BAHCC1: variants seen among roughly 807,000 people sequenced by gnomAD.
The protein encoded by BAHCC1 is BAH and coiled-coil domain-containing protein 1.
A neutral mutation model predicts 88.2 loss-of-function variants in BAHCC1; 43 were observed. The observed-to-expected ratio is 0.49, with a 90% CI of 0.38 to 0.63. The LOEUF (loss-of-function observed/expected upper bound fraction) is 0.63. Ranked by LOEUF, BAHCC1 falls within the 20% of genes least tolerant of loss-of-function variation. The pLI is 0.00. For missense variants in BAHCC1, 3,023 were observed against 1,654.8 expected (o/e 1.83, Z -14.34); for synonymous variants, 1,510 against 745.5 (o/e 2.03, Z -16.71).
At chr17:81,445,745 C>T (rs1555654188) in intron 10 of BAHCC1, 64 bp downstream of exon 10, 2 of 683,752 alleles carry the variant, frequency 2.9e-6, no homozygotes, top group African/African-American at 1.8e-5. Flanking sequence ...CCCTGCCCGG[C>T]AGGGCTGCGC....
intron 11 of BAHCC1, among the ~76,000 whole-genome samples, chr17:81,451,374 A>T (rs1194018642): frequency 6.6e-6 from 1 of 152,130 alleles, no homozygotes; most frequent in Non-Finnish European, 1.5e-5. Flanking sequence ...TAACGAGCAG[A>T]TTGCTTTTAC....
intron 11 of BAHCC1, among the ~76,000 whole-genome samples, chr17:81,450,160 G>T (rs2064607028): frequency 6.6e-6 from 1 of 152,172 alleles, no homozygotes; most frequent in East Asian, 1.9e-4. Context: ...GGCTTTCCCA[G>T]GGGATACCAG....
In BAHCC1 at chr17:81,447,450, G is replaced by A. The variant is rs1555654842; in HGVS notation, c.3578G>A (p.Gly1193Glu). ...EERSREEGEQ[G>E]PSSGASSQVL... ...AGGAGCAGGGAGGAGGGGGAGCAGG[G>A]GCCCTCGTCAGGGGCCTCCTCCCAA... The change falls in exon 11 of 28, where the codon GGG (glycine) becomes GAG (glutamate). Residue 1193 changes from glycine to glutamate, a missense_variant. Physicochemically the swap from Gly to Glu is moderately conservative, Grantham distance 98 (BLOSUM62 -2). Coordinates refer to ENST00000675386, the MANE Select transcript of BAHCC1 (RefSeq NM_001377448.1). 8.1e-6 allele frequency: 6 copies of A among 743,582 alleles called. No homozygotes were observed. Among genetic ancestry groups the A allele is most frequent in the Non-Finnish European group, 1.5e-5 (6 of 400,098 alleles). 46.1% of individuals were successfully genotyped at this position (743,582 alleles called of 1,614,324 possible).
At chr17:81,441,765 C>T in intron 4 of BAHCC1, 66 bp from the exon 5 acceptor site, 1 of 508,354 alleles carries the variant, frequency 2.0e-6, no homozygotes, top group Non-Finnish European at 3.6e-6. Flanking sequence ...GAGCACCTGT[C>T]TCAGGGAGTC....
At chr17:81,405,539 C>CA (rs2063867608) in intron 2 of BAHCC1, among the ~76,000 whole-genome samples, 1 of 152,154 alleles carries the variant, frequency 6.6e-6, no homozygotes, top group African/African-American at 2.4e-5. Context: ...TTCTAACTCC[C>CA]AAAGGACTAT....
chr17:81,442,411 C>G lies in BAHCC1; in HGVS notation c.1062C>G (p.Pro354=). ...LHHTASYAGP[P]PPLSTAAGSF... ...ACACCGCATCCTACGCCGGGCCACC[C>G]CCGCCCCTCAGCACAGCCGCCGGCT... The change falls in exon 5 of 28, where the codon CCC becomes CCG. Residue 354 remains proline, a synonymous_variant. Transcript: ENST00000675386. 1 of 696,398 alleles carries G rather than the reference C, an allele frequency of 1.4e-6. No individual in the cohort carries two copies. Among genetic ancestry groups the G allele is most frequent in the Non-Finnish European group, 2.7e-6 (1 of 376,582 alleles). 43.1% of individuals were successfully genotyped at this position (696,398 alleles called of 1,614,324 possible). A position where few individuals can be genotyped will look rare whatever the true frequency, so the allele number is the denominator to read the frequency against.
Position 81,444,375 on chromosome 17 carries a change from T to C in BAHCC1, c.2325-6T>C. The C allele has an allele frequency of 1.4e-6, 1 of 732,738 alleles. No individual in the cohort carries two copies. The highest frequency in any genetic ancestry group is 2.5e-6 in the Non-Finnish European group (1 of 395,792). 45.4% of individuals were successfully genotyped at this position (732,738 alleles called of 1,614,324 possible). A position where few individuals can be genotyped will look rare whatever the true frequency, so the allele number is the denominator to read the frequency against. On this transcript the variant is annotated splice_polypyrimidine_tract_variant and splice_region_variant and intron_variant, in intron 6 of 27. Coordinates refer to ENST00000675386, the MANE Select transcript of BAHCC1 (RefSeq NM_001377448.1). ...CGGCGGCAGGGCTGAGCCCCAGGTC[T>C]TACAGGGACAGCAAAGACCGCGTAG...
intron 2 of BAHCC1, among the ~76,000 whole-genome samples, chr17:81,408,454 C>T (rs1669450072): frequency 6.7e-6 from 1 of 148,190 alleles, no homozygotes; most frequent in Admixed American, 6.7e-5. Context: ...ACCGTCTCTG[C>T]CCACCGTGCC....
At chr17:81,403,172 G>A (rs1555646332) in intron 2 of BAHCC1, among the ~76,000 whole-genome samples, 2 of 152,204 alleles carry the variant, frequency 1.3e-5, no homozygotes, top group African/African-American at 4.8e-5. Flanking sequence ...CCGGCCTGGG[G>A]AGAGGCCCAC....
In BAHCC1 at chr17:81,447,494, G is replaced by A. The variant is rs1555654865; in HGVS notation, c.3622G>A (p.Gly1208Arg). ...CTCCCAAGTCCTGGAGCAGCGAGCA[G>A]GGAGTCCGGGTGCCCTTGAGGACGA... Reference protein sequence around the residue: ...ASSQVLEQRAGSPGALEDEGE... With the variant: ...ASSQVLEQRARSPGALEDEGE... Residue 1208 changes from glycine (G) to arginine (R), a missense_variant, in exon 11 of 28, where the codon GGG becomes AGG. Transcript: ENST00000675386. 1 of 745,750 alleles carries A rather than the reference G, an allele frequency of 1.3e-6. No individual in the cohort carries two copies. Among genetic ancestry groups the A allele is most frequent in the Admixed American group, 1.9e-5 (1 of 53,292 alleles). 46.2% of individuals were successfully genotyped at this position (745,750 alleles called of 1,614,324 possible). A position where few individuals can be genotyped will look rare whatever the true frequency, so the allele number is the denominator to read the frequency against.
chr17:81,457,514 G>C lies in BAHCC1; in HGVS notation c.4963G>C (p.Gly1655Arg). 1.3e-6 allele frequency: 1 copy of C among 756,128 alleles called. No individual in the cohort carries two copies. The allele number at this position is 756,128 out of a possible 1,614,324, so 46.8% of individuals were successfully genotyped here. A position where few individuals can be genotyped will look rare whatever the true frequency, so the allele number is the denominator to read the frequency against. The change falls in exon 17 of 28, where the codon GGG (glycine) becomes CGG (arginine). Residue 1655 changes from glycine (G) to arginine (R), a missense_variant. Gly to Arg is a moderately radical substitution (Grantham distance 125). Transcript: ENST00000675386. ...LHTGASVAVL[G>R]PSPSSVVKME... ...CACCGGGGCCAGTGTGGCCGTGCTG[G>C]GGCCCTCACCCTCCTCTGTGGTCAA...
intron 12 of BAHCC1, 42 bp downstream of exon 12, chr17:81,451,912 C>T (rs1257043867): frequency 2.4e-5 from 16 of 665,278 alleles, no homozygotes; most frequent in East Asian, 2.7e-5. Context: ...AGTGCGTTGC[C>T]ACAGAGCCCC....
intron 2 of BAHCC1, among the ~76,000 whole-genome samples, chr17:81,415,333 G>C (rs1334239950): frequency 6.6e-6 from 1 of 152,252 alleles, no homozygotes; most frequent in Non-Finnish European, 1.5e-5. Context: ...AGTTCCAAGG[G>C]GGACCTTCGT....
chr17:81,417,583 A>G (rs2064051271), intron 2 of BAHCC1, among the ~76,000 whole-genome samples: 1 of 90,844 alleles, frequency 1.1e-5, no homozygotes, highest in Non-Finnish European at 2.1e-5. Flanking sequence ...CCAAAGGGCT[A>G]AATTTACCCT....
At position 81,458,598 on chromosome 17, in the gene BAHCC1, C is replaced by G. The variant is rs369264372; in HGVS notation, c.5344-23C>G. On this transcript the variant is annotated intron_variant, in intron 18 of 27. Transcript: ENST00000675386. ...GGCTGTCCCACCCTTGACTCAGCCCCTTCTCTGCCTGCCCACGCGCAGCGG... is the reference window on the plus strand; with the variant it reads ...GGCTGTCCCACCCTTGACTCAGCCCGTTCTCTGCCTGCCCACGCGCAGCGG... 1.2e-4 allele frequency: 84 copies of G among 710,252 alleles called. 1 individual carries two copies. In the Middle Eastern group the frequency reaches 1.8e-3, roughly 15 times the overall value. The allele number at this position is 710,252 out of a possible 1,614,324, so 44.0% of individuals were successfully genotyped here. A position where few individuals can be genotyped will look rare whatever the true frequency, so the allele number is the denominator to read the frequency against.
At position 81,441,438 on chromosome 17, in the gene BAHCC1, G is replaced by A. The variant is rs554572370; in HGVS notation, c.482-393G>A. ...AGTACTTTGGGAGGCCAAGGCGGGT[G>A]GATCACGAGGTCAGGAGATCGAGAC... On this transcript the variant is annotated intron_variant, in intron 4 of 27. Transcript: ENST00000675386. Among the ~76,000 whole-genome samples, 555 of 152,286 alleles carry A rather than the reference G, an allele frequency of 3.6e-3. 2 individuals are homozygous for A. The highest frequency in any genetic ancestry group is 4.1e-3 in the Non-Finnish European group (277 of 68,026).
chr17:81,456,455 G>A lies in BAHCC1; in HGVS notation c.4728G>A (p.Arg1576=). The A allele has an allele frequency of 1.4e-6, 1 of 722,344 alleles. No individual in the cohort carries two copies. The highest frequency in any genetic ancestry group is 2.6e-6 in the Non-Finnish European group (1 of 388,100). The allele number at this position is 722,344 out of a possible 1,614,324, so 44.7% of individuals were successfully genotyped here. ...QKEATPGGRI[R]EKLSRAKSAK... Reference sequence around the variant, plus strand: ...AGGCTACCCCCGGGGGGCGCATCCGGGAGAAGCTGTCCCGAGCCAAGAGTG... The same window carrying A: ...AGGCTACCCCCGGGGGGCGCATCCGAGAGAAGCTGTCCCGAGCCAAGAGTG... The change falls in exon 16 of 28, where the codon CGG becomes CGA. Residue 1576 remains arginine (R), a synonymous_variant. Coordinates refer to ENST00000675386, the MANE Select transcript of BAHCC1 (RefSeq NM_001377448.1).
intron 4 of BAHCC1, among the ~76,000 whole-genome samples, chr17:81,440,194 G>A (rs905566304): frequency 2.0e-5 from 3 of 152,206 alleles, no homozygotes; most frequent in Non-Finnish European, 2.9e-5. Context: ...CTAGAACCGC[G>A]TCAGCCCCAG....
In BAHCC1 at chr17:81,447,890, T is replaced by C. The variant is rs782659951; in HGVS notation, c.3976+42T>C. The C allele has an allele frequency of 2.0e-4, 141 of 711,132 alleles. No individual in the cohort carries two copies. In the Admixed American group the frequency reaches 2.8e-3, roughly 14 times the overall value. The allele number at this position is 711,132 out of a possible 1,614,324, so 44.1% of individuals were successfully genotyped here. A position where few individuals can be genotyped will look rare whatever the true frequency, so the allele number is the denominator to read the frequency against. On this transcript the variant is annotated intron_variant, in intron 11 of 27. Coordinates refer to ENST00000675386, the MANE Select transcript of BAHCC1 (RefSeq NM_001377448.1). ...CCGCCACCCCCCAGAGTCCCAGCAG[T>C]GGGACCCACACGCCTGCCTCAGGGT...
Sources: allele counts gnomAD v4.1 joint callset (sites outside exome capture counted in the v4.1 genomes callset), GRCh38; gene constraint gnomAD v4.1.1; transcripts MANE v1.5; gene names NCBI Gene and HGNC (gene_info 2026-07-23, HGNC 2026-07-21).